Variants in BAIAP2L2 observed in about 807,000 individuals in gnomAD.
The protein encoded by BAIAP2L2 is BAR/IMD domain containing adaptor protein 2 like 2.
BAIAP2L2 carries 65 observed loss-of-function variants against 60.4 expected under a neutral mutation model. The ratio of observed to expected loss-of-function variants is 1.08; its 90% CI spans 0.88 to 1.32. The LOEUF is 1.32. Ranked by LOEUF, BAIAP2L2 falls within the 40% of genes most tolerant of loss-of-function variation. The pLI, the probability that BAIAP2L2 is intolerant of heterozygous loss-of-function variation, is 0.00. For missense variants in BAIAP2L2, 836 were observed against 741.2 expected, an observed-to-expected ratio of 1.13 and a Z score of -1.48; for synonymous variants, 344 against 301.7, an observed-to-expected ratio of 1.14 and a Z score of -1.45.
In BAIAP2L2 at chr22:38,086,320, G is replaced by A. The variant is rs191324911; in HGVS notation, c.1389C>T (p.Ala463=). ...SRTPSRVPSR[A]PSPAPPPLPS... ...GCAAGGGTGGAGGTGCAGGGCTGGG[G>A]GCACGGCTTGGCACCCGGCTTGGGG... The change falls in exon 12 of 14, where the codon GCC becomes GCT. Residue 463 remains alanine, a synonymous_variant. Transcript: ENST00000381669. 1.4e-3 allele frequency: 2,263 copies of A among 1,604,328 alleles called. 7 individuals carry two copies. The Middle Eastern group carries it at 0.015, about 11-fold the overall frequency.
At chr22:38,107,805 C>A (rs570998387) in intron 4 of BAIAP2L2, 47 bp downstream of exon 4, 10 of 1,571,038 alleles carry the variant, frequency 6.4e-6, no homozygotes, top group Non-Finnish European at 8.8e-6. Flanking sequence ...GGAACATAGC[C>A]CACTTTCCTC....
rs762655100 is a variant in BAIAP2L2, at chr22:38,110,449, C to G, written c.51+26G>C. ...TGTGCCCTGGGAGGAGGGGCTCAGG[C>G]CTGGCTTGGCCACCCATGTGCTCAC... is the stretch of plus-strand genomic sequence containing the variant. On this transcript the variant is annotated intron_variant, in intron 1 of 13. Coordinates refer to ENST00000381669, the MANE Select transcript of BAIAP2L2 (RefSeq NM_025045.6). 1.4e-5 allele frequency: 22 copies of G among 1,609,270 alleles called. No homozygotes were observed. In the East Asian group the frequency reaches 4.7e-4, roughly 34 times the overall value.
chr22:38,085,244 C>A lies in BAIAP2L2; in HGVS notation c.*56G>T. 1 of 1,560,084 alleles carries A rather than the reference C, an allele frequency of 6.4e-7. No individual in the cohort carries two copies. Among genetic ancestry groups the A allele is most frequent in the Non-Finnish European group, 8.8e-7 (1 of 1,134,656 alleles). Reference sequence around the variant, plus strand: ...CTGTTGCTGCTGTCGCTGCCATTGCCAGCTCTGAACAGCCCCTGGGCAGGT... The same window carrying A: ...CTGTTGCTGCTGTCGCTGCCATTGCAAGCTCTGAACAGCCCCTGGGCAGGT... On this transcript the variant is annotated 3_prime_UTR_variant, in exon 14 of 14. Coordinates refer to ENST00000381669, the MANE Select transcript of BAIAP2L2 (RefSeq NM_025045.6).
At chr22:38,089,423 C>A in intron 8 of BAIAP2L2, 99 bp downstream of exon 8, 3 of 676,352 alleles carry the variant, frequency 4.4e-6, no homozygotes, top group Non-Finnish European at 4.1e-6. Flanking sequence ...AGAGCGGGAG[C>A]CTGGGGGGCA....
In BAIAP2L2 at chr22:38,089,154, C is replaced by A. The variant is rs779761706; in HGVS notation, c.843G>T (p.Ala281=). 1 of 1,338,116 alleles carries A rather than the reference C, an allele frequency of 7.5e-7. No individual in the cohort carries two copies. Among genetic ancestry groups the A allele is most frequent in the South Asian group, 2.0e-5 (1 of 50,866 alleles). 82.9% of individuals were successfully genotyped at this position (1,338,116 alleles called of 1,614,324 possible). Residue 281 remains alanine (A), a synonymous_variant, in exon 9 of 14, where the codon GCG becomes GCT. Transcript: ENST00000381669. The part of the protein sequence containing the change: ...GSGSYGTEPD[A]RPASQLEPDR... ...CTGGCTCTAGCTGGGACGCGGGCCT[C>A]GCGTCGGGCTCGGTGCCGTAGGAGC... is the stretch of plus-strand genomic sequence containing the variant.
At position 38,109,330 on chromosome 22, in the gene BAIAP2L2, G is replaced by A. The variant is rs753447509; in HGVS notation, c.52-122C>T. The A allele has an allele frequency of 9.1e-4, 690 of 758,764 alleles. 6 individuals carry two copies. The highest frequency in any genetic ancestry group is 1.1e-3 in the Non-Finnish European group (489 of 453,100). 47.0% of individuals were successfully genotyped at this position (758,764 alleles called of 1,614,324 possible). On this transcript the variant is annotated intron_variant, in intron 1 of 13. Transcript: ENST00000381669. ...ACCCCCAGCCCAGTGAGAAGCCCCA[G>A]ACTTTGGGGGGCCCATCTACAAACC...
At chr22:38,095,116 A>G (rs2086399485) in intron 7 of BAIAP2L2, among the ~76,000 whole-genome samples, 1 of 152,160 alleles carries the variant, frequency 6.6e-6, no homozygotes, top group African/African-American at 2.4e-5. Context: ...GCGCCACTGC[A>G]CTCCAGCCTG....
At chr22:38,099,899 T>C (rs927992737) in intron 4 of BAIAP2L2, among the ~76,000 whole-genome samples, 1 of 152,160 alleles carries the variant, frequency 6.6e-6, no homozygotes, top group Non-Finnish European at 1.5e-5. Context: ...ATGCTGGCAA[T>C]CTCCTCCCAA....
At chr22:38,086,518 C>G (rs1480011117) in intron 11 of BAIAP2L2, 69 bp from the exon 12 acceptor site, 1 of 1,248,292 alleles carries the variant, frequency 8.0e-7, no homozygotes, top group African/African-American at 1.5e-5. Context: ...CTGCCAGTAG[C>G]TGGGGCACCT....
intron 7 of BAIAP2L2, among the ~76,000 whole-genome samples, chr22:38,095,382 T>G (rs910185257): frequency 6.6e-6 from 1 of 152,132 alleles, no homozygotes; most frequent in Non-Finnish European, 1.5e-5. Flanking sequence ...TCTTTTTTTT[T>G]GAGACTTAGT....
chr22:38,100,454 G>T (rs2086541951), intron 4 of BAIAP2L2, among the ~76,000 whole-genome samples: 1 of 151,894 alleles, frequency 6.6e-6, no homozygotes, highest in Admixed American at 6.6e-5. Context: ...TGAACCCTAG[G>T]GGGCGGAGGT....
intron 4 of BAIAP2L2, among the ~76,000 whole-genome samples, chr22:38,100,136 G>A (rs974040410): frequency 3.9e-5 from 6 of 152,138 alleles, no homozygotes; most frequent in Admixed American, 2.0e-4. Flanking sequence ...GAACAGAAAC[G>A]TGCGTTGTTA....
intron 4 of BAIAP2L2, among the ~76,000 whole-genome samples, chr22:38,101,779 G>A (rs188872940): frequency 3.0e-4 from 46 of 150,938 alleles, no homozygotes; most frequent in Admixed American, 2.1e-3. Flanking sequence ...GCTTGAACCC[G>A]GGAGGCAGAG....
rs2086015857 is a variant in BAIAP2L2, at chr22:38,085,149, T to C, written c.*151A>G. ...CCCCAAGCCAGTGCTTTGGAGCTGC[T>C]CAGGCTGCCGGGGTGGTCTGGGGAG... On this transcript the variant is annotated 3_prime_UTR_variant, in exon 14 of 14. Transcript: ENST00000381669. The C allele has an allele frequency of 2.7e-6, 2 of 736,986 alleles. No homozygotes were observed. The highest frequency in any genetic ancestry group is 4.5e-6 in the Non-Finnish European group (2 of 446,652). 45.7% of individuals were successfully genotyped at this position (736,986 alleles called of 1,614,324 possible).
Position 38,089,086 on chromosome 22 carries a change from G to C in BAIAP2L2, c.901+10C>G, listed in dbSNP as rs1360099650. The stretch of plus-strand genomic sequence containing the variant: ...CGGCCCTCCTGCCGCCCCGGGGCGG[G>C]GGCACTCACAGGCCGACGGCGTGCG... On this transcript the variant is annotated intron_variant, in intron 9 of 13. Transcript: ENST00000381669. The C allele has an allele frequency of 2.9e-6, 4 of 1,380,946 alleles. No homozygotes were observed. In the African/African-American group the frequency reaches 4.6e-5, roughly 16 times the overall value. 85.5% of individuals were successfully genotyped at this position (1,380,946 alleles called of 1,614,324 possible). A position where few individuals can be genotyped will look rare whatever the true frequency, so the allele number is the denominator to read the frequency against.
chr22:38,102,590 C>T (rs1016503367), intron 4 of BAIAP2L2, among the ~76,000 whole-genome samples: 7 of 151,806 alleles, frequency 4.6e-5, no homozygotes, highest in Non-Finnish European at 7.4e-5. Context: ...CAAAACACAC[C>T]AGAAAGGCCC....
At chr22:38,086,479 A>G (rs2145921465) in intron 11 of BAIAP2L2, 30 bp from the exon 12 acceptor site, 5 of 1,465,306 alleles carry the variant, frequency 3.4e-6, no homozygotes, top group Non-Finnish European at 4.6e-6. Context: ...GGGGAAGGAA[A>G]GGGGTTGGGG....
intron 1 of BAIAP2L2, among the ~76,000 whole-genome samples, chr22:38,110,134 A>AGAGAGAGAGGGAGG (rs2086803221): frequency 9.6e-6 from 1 of 103,802 alleles, no homozygotes; most frequent in Non-Finnish European, 1.7e-5. Flanking sequence ...AGAGAGAGAG[A>AGAGAGAGAGGGAGG]GAGAGAGAGA....
intron 4 of BAIAP2L2, among the ~76,000 whole-genome samples, chr22:38,104,339 G>C (rs1004416972): frequency 1.3e-5 from 2 of 152,158 alleles, no homozygotes; most frequent in African/African-American, 4.8e-5. Context: ...GGATCCAGAG[G>C]ACAGAGAAAC....
Sources: allele counts gnomAD v4.1 joint callset (sites outside exome capture counted in the v4.1 genomes callset), GRCh38; gene constraint gnomAD v4.1.1; transcripts MANE v1.5; gene names NCBI Gene and HGNC (gene_info 2026-07-23, HGNC 2026-07-21).